DPYD: variants seen among roughly 807,000 people sequenced by gnomAD.
DPYD encodes the protein dihydropyrimidine dehydrogenase [NADP(+)].
Under a neutral mutation model 116.2 loss-of-function variants are expected in DPYD, and 109 were observed. The ratio of observed to expected loss-of-function variants is 0.94; its 90% CI spans 0.80 to 1.10. The LOEUF (loss-of-function observed/expected upper bound fraction) is 1.10, where lower values mean the gene tolerates loss of function less well. DPYD is among the 50% of genes least tolerant of loss of function. The pLI is 0.00. For synonymous variants in DPYD, 440 were observed against 432.0 expected (o/e 1.02, Z -0.23); for missense variants, 1,302 against 1,254.5 (o/e 1.04, Z -0.57).
At chr1:97,690,216 GC>G (rs1380683986) in intron 7 of DPYD, among the ~76,000 whole-genome samples, 2 of 151,948 alleles carry the variant, frequency 1.3e-5, no homozygotes, top group Non-Finnish European at 2.9e-5. Context: ...AATAGACTTT[GC>G]CAAAGATATC....
At position 97,562,327 on chromosome 1, in the gene DPYD, T is replaced by G. The variant is rs140438647; in HGVS notation, c.1339+11433A>C. On this transcript the variant is annotated intron_variant, in intron 11 of 22. Transcript: ENST00000370192. Reference sequence around the variant, plus strand: ...ATACAGGGAGAAACACTGGGTCATGTTAAACCAAATGAATTGTAAATACAC... The same window carrying G: ...ATACAGGGAGAAACACTGGGTCATGGTAAACCAAATGAATTGTAAATACAC... Among the ~76,000 whole-genome samples the G allele has an allele frequency of 6.1e-3, 928 of 152,306 alleles. 5 individuals carry two copies. The highest frequency in any genetic ancestry group is 9.3e-3 in the Non-Finnish European group (636 of 68,026).
intron 11 of DPYD, among the ~76,000 whole-genome samples, chr1:97,560,536 T>A (rs1226947071): frequency 6.6e-6 from 1 of 151,078 alleles, no homozygotes; most frequent in African/African-American, 2.4e-5. Context: ...AGGCATTACC[T>A]TGCCTTCATT....
chr1:97,301,464 A>G (rs978970967), intron 18 of DPYD, among the ~76,000 whole-genome samples: 3 of 152,012 alleles, frequency 2.0e-5, no homozygotes, highest in African/African-American at 2.4e-5. Flanking sequence ...TATTGAGCCT[A>G]AAGTGTCTAT....
intron 16 of DPYD, among the ~76,000 whole-genome samples, chr1:97,356,554 G>A (rs1165796248): frequency 6.6e-6 from 1 of 152,152 alleles, no homozygotes; most frequent in African/African-American, 2.4e-5. Context: ...ACAGGGTCTG[G>A]AGTGGAGCTC....
intron 14 of DPYD, among the ~76,000 whole-genome samples, chr1:97,441,481 T>C (rs983395613): frequency 6.6e-6 from 1 of 152,158 alleles, no homozygotes; most frequent in Non-Finnish European, 1.5e-5. Context: ...ATGCAATGCC[T>C]AAAGTGCTGT....
intron 13 of DPYD, among the ~76,000 whole-genome samples, chr1:97,468,037 A>AG (rs1189106182): frequency 1.8e-4 from 27 of 152,196 alleles, no homozygotes; most frequent in Admixed American, 1.8e-3. Flanking sequence ...TAGAGTTTAC[A>AG]GGCACTATAA....
intron 19 of DPYD, among the ~76,000 whole-genome samples, chr1:97,211,146 G>T (rs1214818817): frequency 2.6e-5 from 4 of 152,184 alleles, no homozygotes; most frequent in African/African-American, 9.6e-5. Flanking sequence ...ACAAAGTACT[G>T]CATGATCTGG....
intron 10 of DPYD, among the ~76,000 whole-genome samples, chr1:97,584,467 A>G (rs1358415202): frequency 6.6e-6 from 1 of 151,992 alleles, no homozygotes; most frequent in African/African-American, 2.4e-5. Flanking sequence ...TTAGTGTTTT[A>G]GACATGAAGT....
intron 3 of DPYD, among the ~76,000 whole-genome samples, chr1:97,821,148 T>C (rs1365075967): frequency 7.2e-5 from 11 of 151,806 alleles, no homozygotes; most frequent in African/African-American, 2.4e-4. Flanking sequence ...CTTACCAACA[T>C]GGTGAAGCCC....
intron 13 of DPYD, among the ~76,000 whole-genome samples, chr1:97,491,714 A>T (rs1357360582): frequency 6.6e-6 from 1 of 152,104 alleles, no homozygotes; most frequent in Non-Finnish European, 1.5e-5. Context: ...AATATTTAAA[A>T]CTTCTATCTC....
chr1:97,504,674 C>A (rs539227579), intron 13 of DPYD, among the ~76,000 whole-genome samples: 1 of 152,076 alleles, frequency 6.6e-6, no homozygotes, highest in South Asian at 2.1e-4. Flanking sequence ...AATATTATAG[C>A]TGTACAAAAT....
chr1:97,567,847 A>G (rs966762482), intron 11 of DPYD, among the ~76,000 whole-genome samples: 3 of 146,770 alleles, frequency 2.0e-5, no homozygotes, highest in African/African-American at 7.5e-5. Context: ...TACATACCTC[A>G]TTTGCAGAAA....
chr1:97,530,127 C>T (rs1649490426), intron 12 of DPYD, among the ~76,000 whole-genome samples: 1 of 151,766 alleles, frequency 6.6e-6, no homozygotes, highest in Admixed American at 6.6e-5. Flanking sequence ...CCGGTCTATC[C>T]ATTCTTTCAC....
chr1:97,565,700 A>G (rs966182387), intron 11 of DPYD, among the ~76,000 whole-genome samples: 3 of 152,004 alleles, frequency 2.0e-5, no homozygotes, highest in East Asian at 1.9e-4. Flanking sequence ...TTACATGTCT[A>G]TTTCTCTCAT....
At chr1:97,225,003 G>GTCTATCTA (rs3050227) in intron 19 of DPYD, among the ~76,000 whole-genome samples, 2,820 of 127,108 alleles carry the variant, frequency 0.022, 37 homozygotes, top group East Asian at 0.034. Flanking sequence ...CTGTCTGTCT[G>GTCTATCTA]TCTATCTATC....
intron 2 of DPYD, among the ~76,000 whole-genome samples, chr1:97,837,374 T>C (rs980849359): frequency 6.6e-6 from 1 of 152,132 alleles, no homozygotes. Context: ...AATTGTGCTA[T>C]TTTCCCCAAC....
At chr1:97,857,383 C>T (rs1571479955) in intron 2 of DPYD, among the ~76,000 whole-genome samples, 1 of 151,958 alleles carries the variant, frequency 6.6e-6, no homozygotes, top group Non-Finnish European at 1.5e-5. Context: ...GGCTGGTTAC[C>T]AAAAAGACCA....
intron 13 of DPYD, among the ~76,000 whole-genome samples, chr1:97,481,800 A>G (rs1168048310): frequency 6.6e-6 from 1 of 152,142 alleles, no homozygotes; most frequent in Non-Finnish European, 1.5e-5. Context: ...ATTGGCATGG[A>G]TTTTTGCCTA....
At chr1:97,127,350 G>A (rs1368510407) in intron 20 of DPYD, among the ~76,000 whole-genome samples, 3 of 152,116 alleles carry the variant, frequency 2.0e-5, no homozygotes, top group East Asian at 1.9e-4. Flanking sequence ...AGGTAGGGGA[G>A]GGTCTTGGAA....
Sources: allele counts gnomAD v4.1 joint callset (sites outside exome capture counted in the v4.1 genomes callset), GRCh38; gene constraint gnomAD v4.1.1; transcripts MANE v1.5; gene names NCBI Gene and HGNC (gene_info 2026-07-23, HGNC 2026-07-21).